The following PIEZO2 variants were observed in gnomAD, a reference collection of about 807,000 sequenced individuals.
PIEZO2 encodes piezo-type mechanosensitive ion channel component 2.
In PIEZO2, 172 loss-of-function variants were observed where a neutral mutation model predicts 337.3. That is an observed-to-expected ratio of 0.51 (90% CI 0.45 to 0.58). The LOEUF is 0.58. Ranked by LOEUF, PIEZO2 falls within the 20% of genes least tolerant of loss-of-function variation. The pLI, the probability that PIEZO2 is intolerant of heterozygous loss-of-function variation, is 0.00. For synonymous variants in PIEZO2, 1,251 were observed against 1,228.5 expected (o/e 1.02, Z -0.38); for missense variants, 3,028 against 3,391.3 (o/e 0.89, Z 2.66).
rs563020345 is a variant in PIEZO2 at position 11,087,718 on chromosome 18, G to C, written c.65-21496C>G. Reference sequence around the variant, plus strand: ...AGATCAACTAAAATCGTCATTTCAGGTTTTCACATGTGCTTCTGTCTACCT... The same window carrying C: ...AGATCAACTAAAATCGTCATTTCAGCTTTTCACATGTGCTTCTGTCTACCT... On this transcript the variant is annotated intron_variant, in intron 1 of 55. Coordinates refer to ENST00000674853, the MANE Select transcript of PIEZO2 (RefSeq NM_001378183.1). 5.0e-4 allele frequency among the ~76,000 whole-genome samples: 76 copies of C among 152,222 alleles called. 1 individual carries two copies. The highest frequency in any genetic ancestry group is 1.7e-3 in the African/African-American group (69 of 41,540).
chr18:10,798,498 T>C (rs188684191), intron 11 of PIEZO2, among the ~76,000 whole-genome samples: 1 of 152,364 alleles, frequency 6.6e-6, no homozygotes, highest in Non-Finnish European at 1.5e-5. Context: ...AAAAAGTCCC[T>C]GGGATCATAG....
In PIEZO2 at chr18:10,894,459, A is replaced by G. The variant is rs1303553180; in HGVS notation, c.329+16727T>C. ...ATAAGAGCAAAACTCCGTCCCAAAA[A>G]AAGAAAAAAAAGGCAAAATAGCAGA... On this transcript the variant is annotated intron_variant, in intron 4 of 55. Coordinates refer to ENST00000674853, the MANE Select transcript of PIEZO2 (RefSeq NM_001378183.1). This position sits in a 1 kb window ranked among gnomAD's most constrained non-coding sequence, Gnocchi z 4.1. 4 of 152,222 alleles carry G rather than the reference A, an allele frequency of 2.6e-5. No individual in the cohort carries two copies. The highest frequency in any genetic ancestry group is 9.7e-5 in the African/African-American group (4 of 41,424). 9.4% of individuals were successfully genotyped at this position (152,222 alleles called of 1,614,324 possible).
rs2033832428 is a variant in PIEZO2 at position 10,962,695 on chromosome 18, G to C, written c.286+16840C>G. 6.6e-6 allele frequency among the ~76,000 whole-genome samples: 1 copy of C among 152,136 alleles called. No individual in the cohort carries two copies. Among genetic ancestry groups the C allele is most frequent in the Non-Finnish European group, 1.5e-5 (1 of 68,034 alleles). On this transcript the variant is annotated intron_variant, in intron 3 of 55. Transcript: ENST00000674853. The surrounding 1 kb of genome is among the most constrained non-coding windows in gnomAD (Gnocchi z 4.1). ...AGCAAACTTTCAGTAGGCATCCTGA[G>C]ACGTAGTATCATCTCAGTTTTTTAA...
intron 1 of PIEZO2, among the ~76,000 whole-genome samples, chr18:11,091,911 C>T (rs1393385799): frequency 1.3e-5 from 2 of 152,180 alleles, no homozygotes; most frequent in South Asian, 2.1e-4. Flanking sequence ...GGCAAGGCTC[C>T]GCTTTCACAC....
At chr18:10,935,993 C>T (rs1006888512) in intron 3 of PIEZO2, among the ~76,000 whole-genome samples, 1 of 152,158 alleles carries the variant, frequency 6.6e-6, no homozygotes, top group Non-Finnish European at 1.5e-5. Context: ...AAATGGCAGC[C>T]TCAAAACTCT....
chr18:10,837,332 G>T lies in PIEZO2; in HGVS notation c.917+18021C>A, dbSNP rs2041045615. Among the ~76,000 whole-genome samples the T allele has an allele frequency of 6.6e-6, 1 of 152,170 alleles. No individual in the cohort carries two copies. Among genetic ancestry groups the T allele is most frequent in the Admixed American group, 6.5e-5 (1 of 15,282 alleles). Reference sequence around the variant, plus strand: ...GGAAGAAAAGAAGTCCCCTGTGAGGGGAACACAGCATCTTCTGAGAATACC... The same window carrying T: ...GGAAGAAAAGAAGTCCCCTGTGAGGTGAACACAGCATCTTCTGAGAATACC... On this transcript the variant is annotated intron_variant, in intron 7 of 55. Coordinates refer to ENST00000674853, the MANE Select transcript of PIEZO2 (RefSeq NM_001378183.1). The surrounding 1 kb of genome is among the most constrained non-coding windows in gnomAD (Gnocchi z 4.4).
chr18:10,749,185 T>C (rs2037547337), intron 29 of PIEZO2, among the ~76,000 whole-genome samples: 1 of 151,918 alleles, frequency 6.6e-6, no homozygotes, highest in Admixed American at 6.6e-5. Context: ...AAAGACTGGG[T>C]GTGGTGGTTC....
Position 10,854,681 on chromosome 18 carries a change from C to G in PIEZO2, c.917+672G>C, listed in dbSNP as rs2041652399. ...GATGTTTCTCCCTTTCTCTCTCACA[C>G]CAGAGACTTATGTATTTTCTTATTT... On this transcript the variant is annotated intron_variant, in intron 7 of 55. Coordinates refer to ENST00000674853, the MANE Select transcript of PIEZO2 (RefSeq NM_001378183.1). The surrounding 1 kb of genome is among the most constrained non-coding windows in gnomAD (Gnocchi z 4.6). 2.0e-5 allele frequency among the ~76,000 whole-genome samples: 3 copies of G among 152,166 alleles called. No homozygotes were observed. The highest frequency in any genetic ancestry group is 1.3e-4 in the Admixed American group (2 of 15,270).
chr18:10,809,655 A>G (rs1211126870), intron 7 of PIEZO2, among the ~76,000 whole-genome samples: 1 of 152,068 alleles, frequency 6.6e-6, no homozygotes, highest in Non-Finnish European at 1.5e-5. Context: ...CTTGAAGTTC[A>G]CATCCTTTCT....
Position 10,773,946 on chromosome 18 carries a change from T to C in PIEZO2, c.2567+60A>G. ...GAGAAAATGGTCAGAGTTTAGGGTGTAGAAGCATGAAATGGCATCATGTAG... is the reference window on the plus strand; with the variant it reads ...GAGAAAATGGTCAGAGTTTAGGGTGCAGAAGCATGAAATGGCATCATGTAG... On this transcript the variant is annotated intron_variant, in intron 19 of 55. Transcript: ENST00000674853. This position sits in a 1 kb window ranked among gnomAD's most constrained non-coding sequence, Gnocchi z 5.3. 17 of 701,626 alleles carry C rather than the reference T, an allele frequency of 2.4e-5. No homozygotes were observed. Among genetic ancestry groups the C allele is most frequent in the South Asian group, 2.1e-4 (14 of 67,326 alleles). 43.5% of individuals were successfully genotyped at this position (701,626 alleles called of 1,614,324 possible).
rs767774992 is a variant in PIEZO2, at chr18:10,853,951, T to C, written c.917+1402A>G. On this transcript the variant is annotated intron_variant, in intron 7 of 55. Transcript: ENST00000674853. The surrounding 1 kb of genome is among the most constrained non-coding windows in gnomAD (Gnocchi z 4.2). Reference sequence around the variant, plus strand: ...CCCCAAAAAAGTTTTAAGAATTTGTTGTTGAACCAGGATCTGATCTACAGC... The same window carrying C: ...CCCCAAAAAAGTTTTAAGAATTTGTCGTTGAACCAGGATCTGATCTACAGC... Among the ~76,000 whole-genome samples, 1 of 152,242 alleles carries C rather than the reference T, an allele frequency of 6.6e-6. No homozygotes were observed. Among genetic ancestry groups the C allele is most frequent in the Non-Finnish European group, 1.5e-5 (1 of 68,044 alleles).
At position 10,750,120 on chromosome 18, in the gene PIEZO2, A is replaced by G; in HGVS notation, c.4235T>C (p.Leu1412Pro). The part of the protein sequence containing the change: ...NSCWLIQAFS[L>P]ACTVKGYQMP... ...TTGATAGCCTTTGACTGTGCAGGCC[A>G]GGCTGAAAGCCTGGATCAACCAACA... Residue 1412 changes from leucine (L) to proline (P), a missense_variant, in exon 29 of 56, where the codon CTG becomes CCG. Leu to Pro is a moderately conservative substitution (Grantham distance 98). This residue lies in a region of PIEZO2 where 1,925 missense variants were observed against 2,051.9 expected (regional missense o/e 0.94). Coordinates refer to ENST00000674853, the MANE Select transcript of PIEZO2 (RefSeq NM_001378183.1). This position sits in a 1 kb window ranked among gnomAD's most constrained non-coding sequence, Gnocchi z 4.1. The G allele has an allele frequency of 6.5e-7, 1 of 1,537,160 alleles. No homozygotes were observed. Among genetic ancestry groups the G allele is most frequent in the East Asian group, 2.4e-5 (1 of 40,912 alleles).
chr18:10,718,176 T>C (rs1165181231), intron 37 of PIEZO2, 24 bp downstream of exon 37: 1 of 1,525,404 alleles, frequency 6.6e-7, no homozygotes, highest in African/African-American at 1.4e-5. Flanking sequence ...TTCCCACAGC[T>C]CATATTTGTC....
At chr18:10,971,189 A>C (rs545817731) in intron 3 of PIEZO2, among the ~76,000 whole-genome samples, 59 of 152,244 alleles carry the variant, frequency 3.9e-4, no homozygotes, top group Non-Finnish European at 6.9e-4. Flanking sequence ...GTGGCATCAA[A>C]GCCATCTTCA....
At chr18:10,685,933 C>G (rs992694995) in intron 49 of PIEZO2, among the ~76,000 whole-genome samples, 1 of 150,434 alleles carries the variant, frequency 6.6e-6, no homozygotes, top group Non-Finnish European at 1.5e-5. Flanking sequence ...GGTGATGGCT[C>G]TTTGCCACAA....
rs1421331719 is a variant in PIEZO2, at chr18:10,670,569, C to A, written c.*958G>T. On this transcript the variant is annotated 3_prime_UTR_variant, in exon 56 of 56. Coordinates refer to ENST00000674853, the MANE Select transcript of PIEZO2 (RefSeq NM_001378183.1). Reference sequence around the variant, plus strand: ...GGAATATGTAAACTCTTTGATATACCTGAAAAACAGGAAGGAAAATGTCAC... The same window carrying A: ...GGAATATGTAAACTCTTTGATATACATGAAAAACAGGAAGGAAAATGTCAC... 1 of 152,098 alleles carries A rather than the reference C, an allele frequency of 6.6e-6. No homozygotes were observed. The highest frequency in any genetic ancestry group is 1.5e-5 in the Non-Finnish European group (1 of 68,034). The allele number at this position is 152,098 out of a possible 1,614,324, so 9.4% of individuals were successfully genotyped here. A position where few individuals can be genotyped will look rare whatever the true frequency, so the allele number is the denominator to read the frequency against.
In PIEZO2 at chr18:11,027,586, T is replaced by C. The variant is rs1382152116; in HGVS notation, c.160+38541A>G. ...AATTCATCTGTATGCTTCTGTTTGG[T>C]TTTAACTGTAGAAAATTTAATTTAA... is the stretch of plus-strand genomic sequence containing the variant. On this transcript the variant is annotated intron_variant, in intron 2 of 55. Transcript: ENST00000674853. This position sits in a 1 kb window ranked among gnomAD's most constrained non-coding sequence, Gnocchi z 4.2. Among the ~76,000 whole-genome samples, 1 of 152,220 alleles carries C rather than the reference T, an allele frequency of 6.6e-6. No homozygotes were observed. Among genetic ancestry groups the C allele is most frequent in the Non-Finnish European group, 1.5e-5 (1 of 68,040 alleles).
At chr18:10,919,082 T>A (rs2031214961) in intron 3 of PIEZO2, among the ~76,000 whole-genome samples, 1 of 152,076 alleles carries the variant, frequency 6.6e-6, no homozygotes, top group Non-Finnish European at 1.5e-5. Context: ...TTTTTATAAA[T>A]CTTTTTTATC....
In PIEZO2 at chr18:10,954,910, C is replaced by G. The variant is rs1304625807; in HGVS notation, c.286+24625G>C. On this transcript the variant is annotated intron_variant, in intron 3 of 55. Coordinates refer to ENST00000674853, the MANE Select transcript of PIEZO2 (RefSeq NM_001378183.1). The surrounding 1 kb of genome is among the most constrained non-coding windows in gnomAD (Gnocchi z 4.2). Reference sequence around the variant, plus strand: ...AACTTCAGGAGATTGAATATATTTTCTGGGTTCATTAAAATTATTCTTGCA... The same window carrying G: ...AACTTCAGGAGATTGAATATATTTTGTGGGTTCATTAAAATTATTCTTGCA... Among the ~76,000 whole-genome samples, 1 of 152,136 alleles carries G rather than the reference C, an allele frequency of 6.6e-6. No individual in the cohort carries two copies. The highest frequency in any genetic ancestry group is 2.4e-5 in the African/African-American group (1 of 41,436).
Sources: allele counts gnomAD v4.1 joint callset (sites outside exome capture counted in the v4.1 genomes callset), GRCh38; gene constraint gnomAD v4.1.1; regional missense constraint gnomAD v4.1.1; non-coding constraint Gnocchi (gnomAD v3.1); transcripts MANE v1.5; gene names NCBI Gene and HGNC (gene_info 2026-07-23, HGNC 2026-07-21).